Variants in UBN1 observed in about 807,000 individuals in gnomAD.
UBN1 encodes ubinuclein 1, also known as ubinuclein-1.
UBN1 carries 17 observed loss-of-function variants against 108.5 expected under a neutral mutation model. The ratio of observed to expected loss-of-function variants is 0.16; its 90% CI spans 0.11 to 0.24. The LOEUF is 0.24. Among genes scored for constraint, UBN1 ranks in the 10% least tolerant of loss-of-function variants. The pLI is 1.00. For missense variants in UBN1, 1,595 were observed against 1,394.4 expected (o/e 1.14, Z -2.29); for synonymous variants, 726 against 564.2 (o/e 1.29, Z -4.07).
Position 4,875,146 on chromosome 16 carries a change from G to T in UBN1, c.2736G>T (p.Gly912=). The T allele has an allele frequency of 6.2e-7, 1 of 1,614,232 alleles. No homozygotes were observed. The highest frequency in any genetic ancestry group is 8.5e-7 in the Non-Finnish European group (1 of 1,180,044). Residue 912 remains glycine (G), a synonymous_variant, in exon 15 of 18, where the codon GGG becomes GGT. Transcript: ENST00000262376. Reference sequence around the variant, plus strand: ...TTGCCAGCTCAATCTCCAAACATGGGGTTTCTTCTGGCAGCTCTTCCTCGG... The same window carrying T: ...TTGCCAGCTCAATCTCCAAACATGGTGTTTCTTCTGGCAGCTCTTCCTCGG... ...NPFASSISKH[G]VSSGSSSSGG...
In UBN1 at chr16:4,859,086, G is replaced by A; in HGVS notation, c.494G>A (p.Gly165Glu). Reference sequence around the variant, plus strand: ...TATGGAGGATTTTACATTAACTCGGGAACCCTGCAGTTTAGACAAGCATCA... The same window carrying A: ...TATGGAGGATTTTACATTAACTCGGAAACCCTGCAGTTTAGACAAGCATCA... ...TKYGGFYINS[G>E]TLQFRQASES... Residue 165 changes from glycine to glutamate, a missense_variant, in exon 5 of 18, where the codon GGA (glycine) becomes GAA (glutamate). Physicochemically the swap from Gly to Glu is moderately conservative, Grantham distance 98. This residue lies in a region of UBN1 where 1,398 missense variants were observed against 1,194.7 expected (regional missense o/e 1.17). Transcript: ENST00000262376. The A allele has an allele frequency of 6.2e-7, 1 of 1,614,166 alleles. No homozygotes were observed. Among genetic ancestry groups the A allele is most frequent in the Non-Finnish European group, 8.5e-7 (1 of 1,180,024 alleles).
Position 4,875,345 on chromosome 16 carries a change from G to C in UBN1, c.2935G>C (p.Gly979Arg). 6.2e-7 allele frequency: 1 copy of C among 1,614,206 alleles called. No individual in the cohort carries two copies. The highest frequency in any genetic ancestry group is 8.5e-7 in the Non-Finnish European group (1 of 1,180,050). Residue 979 changes from glycine to arginine, a missense_variant, in exon 15 of 18, where the codon GGT becomes CGT. Gly to Arg is a moderately radical substitution (Grantham distance 125). Around this residue, in one of 3 missense-constraint regions of UBN1, gnomAD observed 1,398 missense variants for 1,194.7 expected, o/e 1.17. Transcript: ENST00000262376. ...AGGCGGTCCAAACGGAGATTCCAGT[G>C]GTGGGACCCAGGGAGTGGCAAAGTT... ...PPGGPNGDSSGGTQGVAKLLT... is the reference protein window; with the variant it reads ...PPGGPNGDSSRGTQGVAKLLT...
chr16:4,849,534 G>T (rs1178511628), intron 1 of UBN1, among the ~76,000 whole-genome samples: 2 of 152,016 alleles, frequency 1.3e-5, no homozygotes, highest in Non-Finnish European at 2.9e-5. Flanking sequence ...AAGGGACAAG[G>T]AAGGCTAGTA....
chr16:4,850,329 G>A (rs576738436), intron 1 of UBN1, among the ~76,000 whole-genome samples: 1 of 152,192 alleles, frequency 6.6e-6, no homozygotes, highest in Non-Finnish European at 1.5e-5. Flanking sequence ...TGAAGCTGCA[G>A]TCTCTCAGAC....
intron 17 of UBN1, among the ~76,000 whole-genome samples, chr16:4,878,827 A>G (rs1372181794): frequency 1.3e-5 from 2 of 152,320 alleles, no homozygotes; most frequent in East Asian, 3.9e-4. Flanking sequence ...CCTGGGCAAC[A>G]TGGCAAGACC....
intron 2 of UBN1, among the ~76,000 whole-genome samples, chr16:4,855,913 T>A (rs1397419512): frequency 6.6e-6 from 1 of 152,078 alleles, no homozygotes; most frequent in Non-Finnish European, 1.5e-5. Context: ...CGACTCCATC[T>A]CCCCCTACCA....
At chr16:4,876,560 C>G (rs2087895745) in intron 15 of UBN1, among the ~76,000 whole-genome samples, 1 of 151,264 alleles carries the variant, frequency 6.6e-6, no homozygotes, top group Non-Finnish European at 1.5e-5. Context: ...CAGAGTCTGG[C>G]TCTGTCACCT....
chr16:4,853,497 C>T (rs1368142576), intron 2 of UBN1, among the ~76,000 whole-genome samples: 3 of 151,562 alleles, frequency 2.0e-5, no homozygotes, highest in Non-Finnish European at 4.4e-5. Context: ...CCAACAGAAT[C>T]TTGCTGTCTA....
At chr16:4,853,514 A>G (rs1430602819) in intron 2 of UBN1, among the ~76,000 whole-genome samples, 1 of 151,366 alleles carries the variant, frequency 6.6e-6, no homozygotes, top group South Asian at 2.1e-4. Flanking sequence ...TCTACCTAGT[A>G]TAGGGGCAGA....
intron 12 of UBN1, among the ~76,000 whole-genome samples, chr16:4,872,617 C>T (rs914261156): frequency 3.3e-5 from 5 of 151,990 alleles, no homozygotes; most frequent in African/African-American, 7.3e-5. Flanking sequence ...TACAGGCGTG[C>T]GCCACCACGC....
chr16:4,874,113 GTTT>G, intron 14 of UBN1, 95 bp from the exon 15 acceptor site: 1 of 1,450,386 alleles, frequency 6.9e-7, no homozygotes, highest in South Asian at 1.5e-5. Context: ...GGAAGGCCCA[GTTT>G]TTTTGACTCG....
chr16:4,861,729 G>A (rs2087073573), intron 7 of UBN1, among the ~76,000 whole-genome samples: 1 of 152,226 alleles, frequency 6.6e-6, no homozygotes, highest in Admixed American at 6.5e-5. Context: ...ATCACCTGAG[G>A]TCAGGAGTTC....
chr16:4,873,005 T>C, intron 13 of UBN1, 26 bp from the exon 14 acceptor site: 2 of 1,614,228 alleles, frequency 1.2e-6, no homozygotes, highest in Non-Finnish European at 1.7e-6. Flanking sequence ...TTCTCTAAAC[T>C]TTTCTGTGCT....
At chr16:4,854,468 C>T (rs1471438287) in intron 2 of UBN1, among the ~76,000 whole-genome samples, 1 of 151,448 alleles carries the variant, frequency 6.6e-6, no homozygotes, top group Non-Finnish European at 1.5e-5. Context: ...CTCAGCCTCC[C>T]GAGTAGCTAG....
At chr16:4,867,858 G>A (rs1429787648) in intron 7 of UBN1, among the ~76,000 whole-genome samples, 1 of 152,158 alleles carries the variant, frequency 6.6e-6, no homozygotes, top group East Asian at 1.9e-4. Context: ...CTTGTTTGCT[G>A]TCGTTACTGT....
chr16:4,855,645 G>A (rs555424736), intron 2 of UBN1, among the ~76,000 whole-genome samples: 34 of 149,376 alleles, frequency 2.3e-4, no homozygotes, highest in Non-Finnish European at 3.8e-4. Flanking sequence ...AAGGCCTGGC[G>A]CAGTGACTCA....
chr16:4,865,251 G>A (rs1238458036), intron 7 of UBN1, among the ~76,000 whole-genome samples: 1 of 152,130 alleles, frequency 6.6e-6, no homozygotes, highest in African/African-American at 2.4e-5. Flanking sequence ...CAGACCCTCA[G>A]AGATATTGTC....
intron 2 of UBN1, among the ~76,000 whole-genome samples, chr16:4,855,022 C>T (rs1455183908): frequency 3.3e-5 from 5 of 152,082 alleles, no homozygotes; most frequent in African/African-American, 4.8e-5. Context: ...GTGCCTGGCC[C>T]GTGAAAAGCA....
chr16:4,859,063 T>C lies in UBN1; in HGVS notation c.471T>C (p.Tyr157=), dbSNP rs759832994. 1.2e-6 allele frequency: 2 copies of C among 1,614,202 alleles called. No homozygotes were observed. Among genetic ancestry groups the C allele is most frequent in the Non-Finnish European group, 1.7e-6 (2 of 1,180,036 alleles). Reference sequence around the variant, plus strand: ...TTCCTGCTTCTTTGACTACGAAGTATGGAGGATTTTACATTAACTCGGGAA... The same window carrying C: ...TTCCTGCTTCTTTGACTACGAAGTACGGAGGATTTTACATTAACTCGGGAA... ...ELVPASLTTK[Y]GGFYINSGTL... The change falls in exon 5 of 18, where the codon TAT becomes TAC. Residue 157 remains tyrosine, a synonymous_variant. Coordinates refer to ENST00000262376, the MANE Select transcript of UBN1 (RefSeq NM_001079514.3).
Sources: allele counts gnomAD v4.1 joint callset (sites outside exome capture counted in the v4.1 genomes callset), GRCh38; gene constraint gnomAD v4.1.1; regional missense constraint gnomAD v4.1.1; transcripts MANE v1.5; gene names NCBI Gene and HGNC (gene_info 2026-07-23, HGNC 2026-07-21).